SLC49A4: variants seen among roughly 807,000 people sequenced by gnomAD.
The protein encoded by SLC49A4 is solute carrier family 49 member 4.
SLC49A4 carries 36 observed loss-of-function variants against 50.6 expected under a neutral mutation model. The observed-to-expected ratio is 0.71, with a 90% CI of 0.55 to 0.94. The LOEUF is 0.94. Among genes scored for constraint, SLC49A4 ranks in the 40% least tolerant of loss-of-function variants. The pLI, the probability that SLC49A4 is intolerant of heterozygous loss-of-function variation, is 0.00. For missense variants in SLC49A4, 503 were observed against 605.7 expected, an observed-to-expected ratio of 0.83 and a Z score of 1.78; for synonymous variants, 248 against 241.2, an observed-to-expected ratio of 1.03 and a Z score of -0.26.
chr3:122,827,204 C>T (rs1452720457), intron 3 of SLC49A4, 139 bp downstream of exon 3: 10 of 920,032 alleles, frequency 1.1e-5, no homozygotes, highest in South Asian at 3.5e-5. Context: ...CTGTGCATTC[C>T]TTGTCATATG....
In SLC49A4 at chr3:122,827,864, T is replaced by C. The variant is rs569351803; in HGVS notation, c.703+799T>C. On this transcript the variant is annotated intron_variant, in intron 3 of 8. Coordinates refer to ENST00000261038, the MANE Select transcript of SLC49A4 (RefSeq NM_032839.3). The stretch of plus-strand genomic sequence containing the variant: ...GGGAAGTTGAGGGGGCAGGAAAGGC[T>C]TCAACAAGAATGTAATAATTAAAGT... Among the ~76,000 whole-genome samples the C allele has an allele frequency of 2.0e-5, 3 of 152,328 alleles. No individual in the cohort carries two copies. The South Asian group carries it at 6.2e-4, about 32-fold the overall frequency.
chr3:122,853,355 T>G (rs1227481419), intron 5 of SLC49A4, among the ~76,000 whole-genome samples: 2 of 152,204 alleles, frequency 1.3e-5, no homozygotes, highest in African/African-American at 4.8e-5. Context: ...TAGCAGCACC[T>G]TTACTATAAT....
At chr3:122,854,149 A>C (rs1054798704) in intron 5 of SLC49A4, among the ~76,000 whole-genome samples, 2 of 152,196 alleles carry the variant, frequency 1.3e-5, no homozygotes, top group Non-Finnish European at 2.9e-5. Flanking sequence ...GATGTGCTGC[A>C]ATGAGAGGAG....
intron 3 of SLC49A4, among the ~76,000 whole-genome samples, chr3:122,827,357 C>T (rs942810796): frequency 6.6e-6 from 1 of 152,162 alleles, no homozygotes; most frequent in Admixed American, 6.5e-5. Context: ...TTTTCTATGT[C>T]CTCTCTAGAT....
At chr3:122,859,950 A>G (rs1368007574) in intron 6 of SLC49A4, 125 bp from the exon 7 acceptor site, 4 of 908,294 alleles carry the variant, frequency 4.4e-6, no homozygotes, top group Non-Finnish European at 6.2e-6. Flanking sequence ...TTAAAAAAAC[A>G]CTGAAAACTG....
At chr3:122,809,531 G>A (rs1485243054) in intron 2 of SLC49A4, among the ~76,000 whole-genome samples, 4 of 151,766 alleles carry the variant, frequency 2.6e-5, no homozygotes, top group Admixed American at 2.6e-4. Context: ...GACCAGCCTG[G>A]GCAACACAGC....
Position 122,817,385 on chromosome 3 carries a change from GCCTTGCCAACA to G in SLC49A4, c.438-9409_438-9399del, listed in dbSNP as rs569106996. On this transcript the variant is annotated intron_variant, in intron 2 of 8. Transcript: ENST00000261038. ...TCTAGAGCCTCTTGAAAGGAACCCA[GCCTTGCCAACA>G]CCTTGATTTTAGCCCTAGAGTCCCA... Among the ~76,000 whole-genome samples the G allele has an allele frequency of 1.1e-3, 174 of 152,120 alleles. 2 individuals carry two copies. Among genetic ancestry groups the G allele is most frequent in the Non-Finnish European group, 1.3e-3 (86 of 68,018 alleles).
chr3:122,818,526 G>T (rs1936408393), intron 2 of SLC49A4, among the ~76,000 whole-genome samples: 1 of 152,068 alleles, frequency 6.6e-6, no homozygotes, highest in Non-Finnish European at 1.5e-5. Flanking sequence ...CAAAATAAAA[G>T]TTATGTGACA....
chr3:122,851,093 C>T (rs1022874185), intron 5 of SLC49A4, among the ~76,000 whole-genome samples: 2 of 152,158 alleles, frequency 1.3e-5, no homozygotes, highest in East Asian at 3.8e-4. Context: ...TTTTAGAACC[C>T]TTTAACTTCA....
chr3:122,845,301 C>T (rs1052763535), intron 4 of SLC49A4, among the ~76,000 whole-genome samples: 3 of 152,128 alleles, frequency 2.0e-5, no homozygotes, highest in African/African-American at 7.2e-5. Context: ...TGATCTTGTT[C>T]TTTTTTATGT....
At chr3:122,799,370 A>T (rs910559600) in intron 1 of SLC49A4, among the ~76,000 whole-genome samples, 1 of 152,228 alleles carries the variant, frequency 6.6e-6, no homozygotes, top group Admixed American at 6.5e-5. Context: ...GACACCTGAC[A>T]TGTTAGTTCT....
intron 1 of SLC49A4, among the ~76,000 whole-genome samples, chr3:122,806,184 A>G (rs1936215400): frequency 6.6e-6 from 1 of 152,152 alleles, no homozygotes; most frequent in African/African-American, 2.4e-5. Flanking sequence ...TTACATTTGA[A>G]AATTCAGATT....
chr3:122,844,742 A>G (rs1576303966), intron 4 of SLC49A4, among the ~76,000 whole-genome samples: 1 of 151,854 alleles, frequency 6.6e-6, no homozygotes, highest in East Asian at 1.9e-4. Context: ...AGATCACACC[A>G]TTGCACTCCA....
At chr3:122,856,253 T>C in intron 5 of SLC49A4, 54 bp from the exon 6 acceptor site, 1 of 1,573,016 alleles carries the variant, frequency 6.4e-7, no homozygotes, top group Non-Finnish European at 8.7e-7. Context: ...TTCATTCCTT[T>C]TATATTGCAG....
intron 1 of SLC49A4, among the ~76,000 whole-genome samples, chr3:122,801,937 TG>T: frequency 6.6e-6 from 1 of 152,206 alleles, no homozygotes; most frequent in Admixed American, 6.5e-5. Context: ...AAGGCTGTTC[TG>T]GCCATGATGG....
intron 4 of SLC49A4, among the ~76,000 whole-genome samples, chr3:122,845,336 TG>T (rs1267300179): frequency 1.2e-4 from 19 of 152,362 alleles, no homozygotes; most frequent in African/African-American, 4.6e-4. Flanking sequence ...ATAGTGTATT[TG>T]TACCACATTT....
rs34457229 is a variant in SLC49A4, at chr3:122,866,204, GTT to G, written c.1138+6019_1138+6020del. Reference sequence around the variant, plus strand: ...CCACCATGCCCAGCTAACTTTCGTTGTTTTTTTTTTTTTTTTTTGTAGAGATG... The same window carrying G: ...CCACCATGCCCAGCTAACTTTCGTTGTTTTTTTTTTTTTTTTGTAGAGATG... On this transcript the variant is annotated intron_variant, in intron 7 of 8. Coordinates refer to ENST00000261038, the MANE Select transcript of SLC49A4 (RefSeq NM_032839.3). 2.1e-4 allele frequency among the ~76,000 whole-genome samples: 26 copies of G among 123,492 alleles called. 1 individual carries two copies. Among genetic ancestry groups the G allele is most frequent in the East Asian group, 4.8e-4 (2 of 4,184 alleles). The allele number at this position is 123,492 out of a possible 152,430, so 81.0% of individuals were successfully genotyped here. A position where few individuals can be genotyped will look rare whatever the true frequency, so the allele number is the denominator to read the frequency against.
At chr3:122,813,200 C>G (rs1346594164) in intron 2 of SLC49A4, among the ~76,000 whole-genome samples, 3 of 148,632 alleles carry the variant, frequency 2.0e-5, no homozygotes, top group African/African-American at 7.5e-5. Context: ...GAGATTGCAC[C>G]ACTGCACTCT....
chr3:122,797,920 G>A (rs1192447832), intron 1 of SLC49A4, among the ~76,000 whole-genome samples: 2 of 152,182 alleles, frequency 1.3e-5, no homozygotes, highest in South Asian at 2.1e-4. Context: ...AGTAGAGGCT[G>A]CAGTGAGCTA....
Sources: allele counts gnomAD v4.1 joint callset (sites outside exome capture counted in the v4.1 genomes callset), GRCh38; gene constraint gnomAD v4.1.1; transcripts MANE v1.5; gene names NCBI Gene and HGNC (gene_info 2026-07-23, HGNC 2026-07-21).